ADAMTS19: variants seen among roughly 807,000 people sequenced by gnomAD.
ADAMTS19 encodes the protein ADAM metallopeptidase with thrombospondin type 1 motif 19, also known as A disintegrin and metalloproteinase with thrombospondin motifs 19.
A neutral mutation model predicts 153.3 loss-of-function variants in ADAMTS19; 93 were observed. That is an observed-to-expected ratio of 0.61 (90% CI 0.51 to 0.72). ADAMTS19 has a LOEUF of 0.72. ADAMTS19 is among the 30% of genes least tolerant of loss of function. The probability of loss-of-function intolerance (pLI) is 0.00; values close to 1 mark genes in which losing one functional copy is unlikely to be tolerated. For missense variants in ADAMTS19, 1,482 were observed against 1,552.1 expected (o/e 0.95, Z 0.76); for synonymous variants, 600 against 556.6 (o/e 1.08, Z -1.10).
intron 7 of ADAMTS19, among the ~76,000 whole-genome samples, chr5:129,589,493 T>G (rs1462282693): frequency 6.6e-6 from 1 of 152,084 alleles, no homozygotes; most frequent in East Asian, 1.9e-4. Context: ...CATACATTTG[T>G]GTATTTACTT....
chr5:129,594,779 C>T lies in ADAMTS19; in HGVS notation c.1373-1780C>T, dbSNP rs77920634. On this transcript the variant is annotated intron_variant, in intron 7 of 22. Coordinates refer to ENST00000274487, the MANE Select transcript of ADAMTS19 (RefSeq NM_133638.6). ...AACTATAATAAAAATATGATTTTCT[C>T]CTTCTCCCCTCCTCTTCTCCCTTCC... Among the ~76,000 whole-genome samples, 112 of 151,896 alleles carry T rather than the reference C, an allele frequency of 7.4e-4. No homozygotes were observed. In the East Asian group the frequency reaches 0.02, roughly 27 times the overall value.
intron 2 of ADAMTS19, among the ~76,000 whole-genome samples, chr5:129,488,965 A>G (rs145761816): frequency 3.7e-4 from 57 of 152,256 alleles, no homozygotes; most frequent in African/African-American, 1.3e-3. Context: ...GTTTTCAAAC[A>G]GAACTGCAGA....
In ADAMTS19 at chr5:129,704,301, G is replaced by A. The variant is rs779423677; in HGVS notation, c.3222G>A (p.Lys1074=). The A allele has an allele frequency of 2.3e-5, 37 of 1,614,008 alleles. No homozygotes were observed. In the Admixed American group the frequency reaches 3.5e-4, roughly 15 times the overall value. ...CCGTTAGATGTACCAACCCAAGAAA[G>A]AAGTGTGTCCTCTCTACCAGACCCA... is the stretch of plus-strand genomic sequence containing the variant. ...HRTVRCTNPR[K]KCVLSTRPRE... is the part of the protein sequence containing the mutation. The change falls in exon 21 of 23, where the codon AAG becomes AAA. Residue 1074 remains lysine (K), a synonymous_variant. Coordinates refer to ENST00000274487, the MANE Select transcript of ADAMTS19 (RefSeq NM_133638.6).
chr5:129,621,251 C>T (rs1029106439), intron 9 of ADAMTS19, among the ~76,000 whole-genome samples: 10 of 152,012 alleles, frequency 6.6e-5, no homozygotes, highest in African/African-American at 2.4e-4. Flanking sequence ...CTGTCTTGTT[C>T]GAAAAGTAAA....
At chr5:129,624,918 G>A (rs956830514) in intron 10 of ADAMTS19, among the ~76,000 whole-genome samples, 8 of 152,046 alleles carry the variant, frequency 5.3e-5, no homozygotes, top group African/African-American at 1.4e-4. Flanking sequence ...CATGTGCCAT[G>A]TTGGTTTGCT....
intron 19 of ADAMTS19, among the ~76,000 whole-genome samples, chr5:129,695,398 G>T (rs976215245): frequency 2.0e-5 from 3 of 152,090 alleles, no homozygotes; most frequent in African/African-American, 7.2e-5. Context: ...CAGATGCTTT[G>T]GTTTCCTCTG....
At chr5:129,670,892 T>A (rs1416347333) in intron 16 of ADAMTS19, among the ~76,000 whole-genome samples, 1 of 152,120 alleles carries the variant, frequency 6.6e-6, no homozygotes, top group African/African-American at 2.4e-5. Flanking sequence ...GACCACTCAG[T>A]TTAAAAGTTG....
intron 6 of ADAMTS19, among the ~76,000 whole-genome samples, chr5:129,540,411 C>G (rs1378002815): frequency 1.3e-5 from 2 of 152,044 alleles, no homozygotes; most frequent in African/African-American, 4.8e-5. Context: ...TCTCTTAACT[C>G]TCAACTCTAT....
Position 129,461,774 on chromosome 5 carries a change from C to T in ADAMTS19, c.747+17C>T, listed in dbSNP as rs566568558. 10 of 1,477,052 alleles carry T rather than the reference C, an allele frequency of 6.8e-6. No individual in the cohort carries two copies. The highest frequency in any genetic ancestry group is 8.9e-6 in the Non-Finnish European group (10 of 1,122,566). 91.5% of individuals were successfully genotyped at this position (1,477,052 alleles called of 1,614,324 possible). On this transcript the variant is annotated intron_variant, in intron 2 of 22. Coordinates refer to ENST00000274487, the MANE Select transcript of ADAMTS19 (RefSeq NM_133638.6). This position sits in a 1 kb window ranked among gnomAD's most constrained non-coding sequence, Gnocchi z 4.6. ...GGTGGCCTGGTAAGCGCCTTCTTTC[C>T]CTAGCTCTCCATTTTCCCCTGCTGC...
chr5:129,580,120 G>T (rs1749437446), intron 7 of ADAMTS19, among the ~76,000 whole-genome samples: 1 of 152,088 alleles, frequency 6.6e-6, no homozygotes, highest in African/African-American at 2.4e-5. Context: ...CTTGAGCAGT[G>T]GTTTGTAGTT....
At chr5:129,699,503 A>T (rs978085759) in intron 19 of ADAMTS19, among the ~76,000 whole-genome samples, 1 of 152,188 alleles carries the variant, frequency 6.6e-6, no homozygotes, top group Non-Finnish European at 1.5e-5. Flanking sequence ...AAAACAAAAC[A>T]TTGATACATG....
chr5:129,492,844 G>A (rs928168954), intron 2 of ADAMTS19, among the ~76,000 whole-genome samples: 5 of 151,956 alleles, frequency 3.3e-5, no homozygotes, highest in South Asian at 2.1e-4. Context: ...TGTTTTTCCC[G>A]AACATGCCAT....
Position 129,658,351 on chromosome 5 carries a change from A to AGAGAGAGAGAGAGAGAGAGAGAGAG in ADAMTS19, c.2305-266_2305-265insGAGAGAGAGAGAGAGAGAGAGAGAG, listed in dbSNP as rs1554103337. Among the ~76,000 whole-genome samples, 69 of 133,230 alleles carry AGAGAGAGAGAGAGAGAGAGAGAGAG rather than the reference A, an allele frequency of 5.2e-4. 3 individuals are homozygous for AGAGAGAGAGAGAGAGAGAGAGAGAG. The highest frequency in any genetic ancestry group is 2.0e-3 in the African/African-American group (63 of 31,608). 87.4% of individuals were successfully genotyped at this position (133,230 alleles called of 152,430 possible). A position where few individuals can be genotyped will look rare whatever the true frequency, so the allele number is the denominator to read the frequency against. On this transcript the variant is annotated intron_variant, in intron 14 of 22. Coordinates refer to ENST00000274487, the MANE Select transcript of ADAMTS19 (RefSeq NM_133638.6). ...AAAGAAAGAAAGAAAGAAAGAAAGA[A>AGAGAGAGAGAGAGAGAGAGAGAGAG]AGAAAGAAAGAAAGAAAGAGAGAGA...
At position 129,460,330 on chromosome 5, in the gene ADAMTS19, C is replaced by G; in HGVS notation, c.-62C>G. On this transcript the variant is annotated 5_prime_UTR_variant, in exon 1 of 23. Coordinates refer to ENST00000274487, the MANE Select transcript of ADAMTS19 (RefSeq NM_133638.6). ...TAGCGCTCCGGGGAGGCCGCTGCGC[C>G]CCGGAGTGGATCGCGCTGGAGGCGT... is the stretch of plus-strand genomic sequence containing the variant. 1.3e-6 allele frequency: 2 copies of G among 1,488,222 alleles called. No homozygotes were observed. The highest frequency in any genetic ancestry group is 1.9e-6 in the Non-Finnish European group (2 of 1,076,796). 92.2% of individuals were successfully genotyped at this position (1,488,222 alleles called of 1,614,324 possible). A position where few individuals can be genotyped will look rare whatever the true frequency, so the allele number is the denominator to read the frequency against.
chr5:129,700,578 T>C (rs30300), intron 19 of ADAMTS19, among the ~76,000 whole-genome samples: 22,487 of 152,172 alleles, frequency 0.15, 1,828 homozygotes, highest in East Asian at 0.3. Context: ...TTTTGTGACC[T>C]TTGGTAAGGT....
At chr5:129,667,723 T>A (rs761499090) in intron 16 of ADAMTS19, among the ~76,000 whole-genome samples, 1 of 152,098 alleles carries the variant, frequency 6.6e-6, no homozygotes, top group Non-Finnish European at 1.5e-5. Context: ...CCATACTTCC[T>A]ATACAGCCCA....
intron 8 of ADAMTS19, among the ~76,000 whole-genome samples, chr5:129,598,844 C>T (rs1180959915): frequency 6.6e-6 from 1 of 152,128 alleles, no homozygotes; most frequent in Non-Finnish European, 1.5e-5. Flanking sequence ...CATGCATATC[C>T]AAGTCCAGCA....
Position 129,596,632 on chromosome 5 carries a change from TG to T in ADAMTS19, c.1447del (p.Ala483LeufsTer76), listed in dbSNP as rs1561592098. 1.2e-6 allele frequency: 2 copies of T among 1,607,762 alleles called. No homozygotes were observed. Among genetic ancestry groups the T allele is most frequent in the Non-Finnish European group, 1.7e-6 (2 of 1,177,250 alleles). Reference sequence around the variant, plus strand: ...TTGCTGAAGACAATGGCTTGAATCTTGCTTTTACAATTGCTCATGAAATGGG... The same window carrying T: ...TTGCTGAAGACAATGGCTTGAATCTTCTTTTACAATTGCTCATGAAATGGG... ...IIAEDNGLNL[A>X]FTIAHEMGHN... On this transcript the variant is annotated frameshift_variant, in exon 8 of 23. Coordinates refer to ENST00000274487, the MANE Select transcript of ADAMTS19 (RefSeq NM_133638.6). LOFTEE classifies it high-confidence loss of function.
chr5:129,479,754 C>T (rs1182592844), intron 2 of ADAMTS19, among the ~76,000 whole-genome samples: 2 of 151,960 alleles, frequency 1.3e-5, no homozygotes, highest in African/African-American at 2.4e-5. Flanking sequence ...ATGCCCTGCA[C>T]CTGTATACCA....
Sources: gnomAD v4.1 joint callset for allele counts (sites outside exome capture counted in the v4.1 genomes callset) on GRCh38, gnomAD v4.1.1 for gene constraint, Gnocchi (gnomAD v3.1) non-coding constraint, MANE v1.5 for transcripts, NCBI Gene and HGNC (gene_info 2026-07-23, HGNC 2026-07-21) for gene names.